The following MSH4 variants were observed in gnomAD, a reference collection of about 807,000 sequenced individuals.
The protein encoded by MSH4 is mutS homolog 4, also known as mutS protein homolog 4.
MSH4 carries 106 observed loss-of-function variants against 113.7 expected under a neutral mutation model. The observed-to-expected ratio is 0.93, with a 90% CI of 0.80 to 1.10. The LOEUF (loss-of-function observed/expected upper bound fraction) is 1.10, where lower values mean the gene tolerates loss of function less well. MSH4 is among the 50% of genes least tolerant of loss of function. The pLI is 0.00. For synonymous variants in MSH4, 368 were observed against 380.2 expected (o/e 0.97, Z 0.37); for missense variants, 1,061 against 1,093.7 (o/e 0.97, Z 0.42).
At chr1:75,851,668 C>T (rs1651190757) in intron 8 of MSH4, among the ~76,000 whole-genome samples, 1 of 152,112 alleles carries the variant, frequency 6.6e-6, no homozygotes, top group Non-Finnish European at 1.5e-5. Flanking sequence ...CCTAGGCCTT[C>T]CAAAATGTTG....
At chr1:75,903,410 CTGT>C (rs1484227297) in intron 19 of MSH4, among the ~76,000 whole-genome samples, 1 of 151,876 alleles carries the variant, frequency 6.6e-6, no homozygotes, top group Non-Finnish European at 1.5e-5. Context: ...TGCCAGGACT[CTGT>C]TGTTTTGGTT....
chr1:75,878,951 C>T, intron 11 of MSH4, 41 bp from the exon 12 acceptor site: 1 of 1,541,420 alleles, frequency 6.5e-7, no homozygotes, highest in Non-Finnish European at 8.9e-7. Flanking sequence ...AAAATTTATT[C>T]ATTTTGTTTT....
intron 9 of MSH4, among the ~76,000 whole-genome samples, chr1:75,868,999 G>C (rs1054758296): frequency 6.6e-6 from 1 of 152,228 alleles, no homozygotes; most frequent in Non-Finnish European, 1.5e-5. Flanking sequence ...CTTTGGAACT[G>C]GGTAACAGGC....
rs777991550 is a variant in MSH4, at chr1:75,890,790, G to T, written c.2321G>T (p.Cys774Phe). The change falls in exon 17 of 20, where the codon TGT becomes TTT. Residue 774 changes from cysteine to phenylalanine, a missense_variant. Transcript: ENST00000263187. Reference sequence around the variant, plus strand: ...AATACGGAAGAAGGTATTGGCATTTGTTATGCTGTTTGTGAATATCTACTG... The same window carrying T: ...AATACGGAAGAAGGTATTGGCATTTTTTATGCTGTTTGTGAATATCTACTG... Reference protein sequence around the residue: ...GTNTEEGIGICYAVCEYLLSL... With the variant: ...GTNTEEGIGIFYAVCEYLLSL... 3.7e-6 allele frequency: 6 copies of T among 1,606,880 alleles called. No individual in the cohort carries two copies. In the African/African-American group the frequency reaches 4.0e-5, roughly 11 times the overall value.
chr1:75,881,319 A>G lies in MSH4; in HGVS notation c.1855A>G (p.Met619Val), dbSNP rs1430228393. 3.7e-6 allele frequency: 6 copies of G among 1,611,910 alleles called. No individual in the cohort carries two copies. The highest frequency in any genetic ancestry group is 1.3e-5 in the African/African-American group (1 of 74,976). ...ATATAAACTATCTGACACTGTGTCA[A>G]TGCTGGATATGCTACTGTCATTTGC... is the stretch of plus-strand genomic sequence containing the variant. ...CLYKLSDTVS[M>V]LDMLLSFAHA... The change falls in exon 14 of 20, where the codon ATG becomes GTG. Residue 619 changes from methionine (M) to valine (V), a missense_variant. By Grantham distance (21) the Met-to-Val change is conservative (BLOSUM62 1). Transcript: ENST00000263187.
intron 7 of MSH4, among the ~76,000 whole-genome samples, chr1:75,826,228 C>T (rs2100525184): frequency 6.6e-6 from 1 of 152,232 alleles, no homozygotes; most frequent in South Asian, 2.1e-4. Context: ...TCCATTTCTT[C>T]TAGATTTTCT....
chr1:75,879,805 C>T (rs961510824), intron 12 of MSH4, among the ~76,000 whole-genome samples: 4 of 151,934 alleles, frequency 2.6e-5, no homozygotes, highest in Non-Finnish European at 5.9e-5. Flanking sequence ...AGTAGTCATC[C>T]CAGATGAACT....
chr1:75,912,343 A>G (rs944061828), intron 19 of MSH4, among the ~76,000 whole-genome samples: 2 of 152,056 alleles, frequency 1.3e-5, no homozygotes, highest in African/African-American at 4.8e-5. Flanking sequence ...TTAATGGGAA[A>G]GTGTTTGTAG....
intron 7 of MSH4, among the ~76,000 whole-genome samples, chr1:75,835,701 T>G (rs1362305748): frequency 1.3e-5 from 2 of 152,192 alleles, no homozygotes; most frequent in Non-Finnish European, 2.9e-5. Flanking sequence ...CCTATCTTTG[T>G]AAAAACTCTC....
At chr1:75,898,312 G>T (rs1421042850) in intron 18 of MSH4, among the ~76,000 whole-genome samples, 1 of 151,864 alleles carries the variant, frequency 6.6e-6, no homozygotes, top group East Asian at 1.9e-4. Flanking sequence ...TAAAAATACA[G>T]TGACAACTGA....
At chr1:75,835,457 A>G (rs1650807568) in intron 7 of MSH4, among the ~76,000 whole-genome samples, 1 of 152,170 alleles carries the variant, frequency 6.6e-6, no homozygotes, top group African/African-American at 2.4e-5. Flanking sequence ...AAGTCATTTA[A>G]TCATGTTACA....
chr1:75,836,296 CTTTTTCT>C (rs1383428029), intron 7 of MSH4, among the ~76,000 whole-genome samples: 3 of 35,484 alleles, frequency 8.5e-5, no homozygotes, highest in Non-Finnish European at 1.9e-4. Context: ...CTTTTTCTTT[CTTTTTCT>C]TTTTTTTTTT....
intron 7 of MSH4, among the ~76,000 whole-genome samples, chr1:75,845,139 TTAAGTTTC>T (rs1352854966): frequency 6.6e-6 from 1 of 152,238 alleles, no homozygotes; most frequent in Non-Finnish European, 1.5e-5. Flanking sequence ...TGCACTGAGA[TTAAGTTTC>T]TAATGCATGA....
rs1650443411 is a variant in MSH4, at chr1:75,822,493, T to C, written c.1074T>C (p.Pro358=). ...GACTTCGTTCTAATATATTAGAGCC[T>C]CTAGTTGATATTGAAACCATTAACA... ...SRRLRSNILE[P]LVDIETINMR... Residue 358 remains proline, a synonymous_variant, in exon 7 of 20, where the codon CCT becomes CCC. Transcript: ENST00000263187. 8 of 1,581,678 alleles carry C rather than the reference T, an allele frequency of 5.1e-6. No individual in the cohort carries two copies. The highest frequency in any genetic ancestry group is 6.9e-6 in the Non-Finnish European group (8 of 1,164,002).
At chr1:75,907,684 C>CTCTCTATATATATATATATATATA (rs1307238647) in intron 19 of MSH4, among the ~76,000 whole-genome samples, 5 of 46,552 alleles carry the variant, frequency 1.1e-4, no homozygotes, top group South Asian at 7.5e-4. Flanking sequence ...CTCTCTCTCT[C>CTCTCTATATATATATATATATATA]TATACATATA....
chr1:75,803,951 A>T (rs774708166), intron 2 of MSH4, 38 bp downstream of exon 2: 1 of 1,365,916 alleles, frequency 7.3e-7, no homozygotes, highest in South Asian at 1.9e-5. Context: ...TGATGTTTTG[A>T]AACTTAAAAG....
rs145803983 is a variant in MSH4 at position 75,912,774 on chromosome 1, C to T, written c.2698C>T (p.Arg900Ter). 8.1e-5 allele frequency: 129 copies of T among 1,593,762 alleles called. 1 individual carries two copies. The highest frequency in any genetic ancestry group is 3.3e-4 in the Middle Eastern group (2 of 6,040). The part of the protein sequence containing the change: ...HLATRLVQTA[R>*]NSQLDPDSLR... ...AGCCACTAGGCTTGTTCAAACTGCT[C>T]GAAACTCTCAATTGGATCCAGACAG... Residue 900 changes from arginine (R) to a stop codon, truncating the protein, a stop_gained, in exon 20 of 20, where the codon CGA (arginine) becomes TGA (stop). Transcript: ENST00000263187. LOFTEE classifies it high-confidence loss of function.
rs771965131 is a variant in MSH4 at position 75,877,005 on chromosome 1, T to A, written c.1370+5T>A. On this transcript the variant is annotated splice_donor_5th_base_variant and intron_variant, in intron 10 of 19. Transcript: ENST00000263187. The stretch of plus-strand genomic sequence containing the variant: ...TGGTTCCTTGGAAGACAAGAGGTCT[T>A]TGTCACTCAACCGTTAATAAAAAAT... The A allele has an allele frequency of 6.5e-7, 1 of 1,531,960 alleles. No individual in the cohort carries two copies. The highest frequency in any genetic ancestry group is 8.8e-7 in the Non-Finnish European group (1 of 1,135,722). The allele number at this position is 1,531,960 out of a possible 1,614,324, so 94.9% of individuals were successfully genotyped here. A position where few individuals can be genotyped will look rare whatever the true frequency, so the allele number is the denominator to read the frequency against.
chr1:75,911,913 G>A (rs1652796542), intron 19 of MSH4, among the ~76,000 whole-genome samples: 1 of 151,940 alleles, frequency 6.6e-6, no homozygotes, highest in African/African-American at 2.4e-5. Flanking sequence ...GATTAAAAAT[G>A]CTGATTTCTC....
Sources: gnomAD v4.1 joint callset for allele counts (sites outside exome capture counted in the v4.1 genomes callset) on GRCh38, gnomAD v4.1.1 for gene constraint, MANE v1.5 for transcripts, NCBI Gene and HGNC (gene_info 2026-07-23, HGNC 2026-07-21) for gene names.